The following UGGT2 variants were observed in gnomAD, a reference collection of about 807,000 sequenced individuals.
The protein encoded by UGGT2 is UDP-glucose:glycoprotein glucosyltransferase 2.
In UGGT2, 180 loss-of-function variants were observed where a neutral mutation model predicts 192.1. That is an observed-to-expected ratio of 0.94 (90% CI 0.83 to 1.06). UGGT2 has a LOEUF of 1.06. Ranked by LOEUF, UGGT2 falls within the 50% of genes least tolerant of loss-of-function variation. The probability of loss-of-function intolerance (pLI) is 0.00; values close to 1 mark genes in which losing one functional copy is unlikely to be tolerated. For missense variants in UGGT2, 1,849 were observed against 1,795.7 expected (o/e 1.03, Z -0.54); for synonymous variants, 580 against 591.0 (o/e 0.98, Z 0.27).
intron 38 of UGGT2, 118 bp from the exon 39 acceptor site, chr13:95,801,930 T>G: frequency 2.7e-6 from 3 of 1,116,334 alleles, no homozygotes; most frequent in Non-Finnish European, 4.0e-6. Context: ...ATTTGCTAGT[T>G]CAGTACCTAT....
intron 22 of UGGT2, among the ~76,000 whole-genome samples, chr13:95,896,294 C>T (rs2047942961): frequency 6.6e-6 from 1 of 152,054 alleles, no homozygotes; most frequent in South Asian, 2.1e-4. Context: ...TTTCTCATAT[C>T]AAAGGTGACT....
chr13:95,878,283 G>A (rs8000018), intron 27 of UGGT2, among the ~76,000 whole-genome samples: 123,004 of 151,966 alleles, frequency 0.81, 50,113 homozygotes, highest in East Asian at 0.93. Flanking sequence ...TAAATTGATC[G>A]ATATATTTTT....
At chr13:95,868,423 G>A (rs540039590) in intron 29 of UGGT2, among the ~76,000 whole-genome samples, 25 of 152,058 alleles carry the variant, frequency 1.6e-4, no homozygotes, top group African/African-American at 5.3e-4. Context: ...GTGAGACCTC[G>A]TCTCTGCAAA....
chr13:95,872,955 C>G (rs1891344434), intron 29 of UGGT2, among the ~76,000 whole-genome samples: 1 of 152,188 alleles, frequency 6.6e-6, no homozygotes, highest in South Asian at 2.1e-4. Context: ...TTAGCAAAAC[C>G]CCACAAGGGA....
At chr13:95,847,407 C>T (rs1354181516) in intron 36 of UGGT2, among the ~76,000 whole-genome samples, 1 of 152,180 alleles carries the variant, frequency 6.6e-6, no homozygotes, top group African/African-American at 2.4e-5. Context: ...TCTACCACTA[C>T]ATATTTTCCC....
At chr13:95,907,559 A>G (rs2048332883) in intron 20 of UGGT2, among the ~76,000 whole-genome samples, 1 of 152,224 alleles carries the variant, frequency 6.6e-6, no homozygotes, top group East Asian at 1.9e-4. Context: ...AGGATCAGGC[A>G]GCAATATTTG....
intron 7 of UGGT2, among the ~76,000 whole-genome samples, chr13:95,993,022 G>C (rs748875071): frequency 1.3e-5 from 2 of 152,116 alleles, no homozygotes; most frequent in Non-Finnish European, 2.9e-5. Flanking sequence ...ATCAACCCAG[G>C]TGCCATCAAT....
At chr13:96,050,903 C>T (rs140552656) in intron 1 of UGGT2, among the ~76,000 whole-genome samples, 2,374 of 152,312 alleles carry the variant, frequency 0.016, 25 homozygotes, top group Middle Eastern at 0.041. Context: ...ACTAGTTCAA[C>T]CATTGTGGAA....
chr13:95,924,299 A>C (rs1275516909), intron 20 of UGGT2, among the ~76,000 whole-genome samples: 4 of 149,176 alleles, frequency 2.7e-5, no homozygotes, highest in Non-Finnish European at 5.9e-5. Context: ...GGAGTTTGTG[A>C]GCCTCTGAAA....
At chr13:95,992,267 A>G (rs1218832394) in intron 7 of UGGT2, among the ~76,000 whole-genome samples, 1 of 152,220 alleles carries the variant, frequency 6.6e-6, no homozygotes, top group Non-Finnish European at 1.5e-5. Flanking sequence ...AATAGCACTG[A>G]ATCTGTAGAT....
intron 17 of UGGT2, 22 bp from the exon 18 acceptor site, chr13:95,927,358 T>G: frequency 6.3e-7 from 1 of 1,584,442 alleles, no homozygotes; most frequent in South Asian, 1.2e-5. Flanking sequence ...AAAATGTTAT[T>G]TAGATAATAC....
chr13:95,847,801 A>G (rs1026232329), intron 36 of UGGT2, among the ~76,000 whole-genome samples: 1 of 152,168 alleles, frequency 6.6e-6, no homozygotes, highest in Non-Finnish European at 1.5e-5. Flanking sequence ...TAAGTTTTCA[A>G]CTCCTTTGAG....
At chr13:96,044,641 C>T (rs1359384295) in intron 1 of UGGT2, among the ~76,000 whole-genome samples, 1 of 152,042 alleles carries the variant, frequency 6.6e-6, no homozygotes, top group Non-Finnish European at 1.5e-5. Context: ...TCCAAATAAG[C>T]TCAATTAGAA....
chr13:95,836,314 T>C (rs1055067146), intron 37 of UGGT2, among the ~76,000 whole-genome samples: 11 of 152,194 alleles, frequency 7.2e-5, no homozygotes, highest in African/African-American at 2.7e-4. Flanking sequence ...CCTCTTAAAG[T>C]GCAGGGATTA....
At chr13:95,858,785 G>T (rs530391935) in intron 33 of UGGT2, among the ~76,000 whole-genome samples, 2 of 152,234 alleles carry the variant, frequency 1.3e-5, no homozygotes, top group East Asian at 3.9e-4. Context: ...AGCTAGTTAC[G>T]TAACTTTTGA....
intron 7 of UGGT2, among the ~76,000 whole-genome samples, chr13:95,994,074 C>T (rs2051541827): frequency 6.6e-6 from 1 of 151,928 alleles, no homozygotes; most frequent in African/African-American, 2.4e-5. Context: ...TTCTTTGGGG[C>T]TATACATTTG....
At chr13:95,889,822 C>G (rs2047749468) in intron 25 of UGGT2, among the ~76,000 whole-genome samples, 1 of 152,164 alleles carries the variant, frequency 6.6e-6, no homozygotes, top group Non-Finnish European at 1.5e-5. Flanking sequence ...GTGTAGCCAG[C>G]CTGCGGACAT....
At chr13:95,842,215 C>G (rs894322865) in intron 36 of UGGT2, among the ~76,000 whole-genome samples, 1 of 152,130 alleles carries the variant, frequency 6.6e-6, no homozygotes, top group African/African-American at 2.4e-5. Flanking sequence ...CAATCCAGTC[C>G]CCAGGTAAGC....
At chr13:95,932,311 T>TGTGTGTGTGTGTGTGTG (rs2049311268) in intron 17 of UGGT2, among the ~76,000 whole-genome samples, 1 of 139,508 alleles carries the variant, frequency 7.2e-6, no homozygotes, top group African/African-American at 2.7e-5. Context: ...GGTATTTTAT[T>TGTGTGTGTGTGTGTGTG]TGTGTGTGTG....
Sources: gnomAD v4.1 joint callset for allele counts (sites outside exome capture counted in the v4.1 genomes callset) on GRCh38, gnomAD v4.1.1 for gene constraint, MANE v1.5 for transcripts, NCBI Gene and HGNC (gene_info 2026-07-23, HGNC 2026-07-21) for gene names.